Variants in SERPINA1 observed in about 807,000 individuals in gnomAD.
The protein encoded by SERPINA1 is alpha-1-antitrypsin.
In SERPINA1, 21 loss-of-function variants were observed where a neutral mutation model predicts 25.4. The observed-to-expected ratio is 0.83, with a 90% confidence interval of 0.59 to 1.19. SERPINA1 has a LOEUF of 1.19. Among genes scored for constraint, SERPINA1 ranks in the 50% most tolerant of loss-of-function variants. The pLI is 0.00. For synonymous variants in SERPINA1, 218 were observed against 211.1 expected, an observed-to-expected ratio of 1.03 and a Z score of -0.29; for missense variants, 546 against 509.0, an observed-to-expected ratio of 1.07 and a Z score of -0.70.
In SERPINA1 at chr14:94,378,357, C is replaced by T. The variant is rs1896512852; in HGVS notation, c.*92G>A. ...AGAAAACATGGGAGGGATTTACAGTCACATGCAGGCAGGGACCAGCTCAAC... is the reference window on the plus strand; with the variant it reads ...AGAAAACATGGGAGGGATTTACAGTTACATGCAGGCAGGGACCAGCTCAAC... On this transcript the variant is annotated 3_prime_UTR_variant, in exon 5 of 5. Transcript: ENST00000393087. The T allele has an allele frequency of 9.1e-7, 1 of 1,098,518 alleles. No individual in the cohort carries two copies. Among genetic ancestry groups the T allele is most frequent in the Non-Finnish European group, 1.4e-6 (1 of 718,178 alleles). The allele number at this position is 1,098,518 out of a possible 1,614,324, so 68.0% of individuals were successfully genotyped here. A position where few individuals can be genotyped will look rare whatever the true frequency, so the allele number is the denominator to read the frequency against.
In SERPINA1 at chr14:94,380,928, A is replaced by G. The variant is rs1450795004; in HGVS notation, c.860T>C (p.Leu287Pro). The G allele has an allele frequency of 1.9e-6, 3 of 1,614,196 alleles. No individual in the cohort carries two copies. In the South Asian group the frequency reaches 3.3e-5, roughly 18 times the overall value. Residue 287 changes from leucine to proline, a missense_variant, in exon 3 of 5, where the codon CTG becomes CCG. Leu to Pro is a moderately conservative substitution (Grantham distance 98, BLOSUM62 -3). Coordinates refer to ENST00000393087, the MANE Select transcript of SERPINA1 (RefSeq NM_000295.5). Reference sequence around the variant, plus strand: ...GATATCGTGGGTGAGTTCATTTTCCAGGTGCTGTAGTTTCCCCTCATCAGG... The same window carrying G: ...GATATCGTGGGTGAGTTCATTTTCCGGGTGCTGTAGTTTCCCCTCATCAGG... ...FLPDEGKLQHLENELTHDIIT... is the reference protein window; with the variant it reads ...FLPDEGKLQHPENELTHDIIT...
rs1896695807 is a variant in SERPINA1, at chr14:94,379,533, G to T, written c.996C>A (p.Ile332=). The T allele has an allele frequency of 1.9e-6, 3 of 1,613,958 alleles. No individual in the cohort carries two copies. Among genetic ancestry groups the T allele is most frequent in the East Asian group, 2.2e-5 (1 of 44,864 alleles). ...DLKSVLGQLG[I]TKVFSNGADL... ...CAGCCCCATTGCTGAAGACCTTAGT[G>T]ATGCCCAGTTGACCCAGGACGCTCT... Residue 332 remains isoleucine, a synonymous_variant, in exon 4 of 5, where the codon ATC becomes ATA. Coordinates refer to ENST00000393087, the MANE Select transcript of SERPINA1 (RefSeq NM_000295.5).
chr14:94,384,904 C>T (rs528662210), intron 1 of SERPINA1, among the ~76,000 whole-genome samples: 7 of 152,314 alleles, frequency 4.6e-5, no homozygotes, highest in African/African-American at 7.2e-5. Flanking sequence ...TCCTGGCCCT[C>T]GTGCCTCTAA....
In SERPINA1 at chr14:94,380,968, C is replaced by T. The variant is rs752721615; in HGVS notation, c.820G>A (p.Ala274Thr). ...LLMKYLGNAT[A>T]IFFLPDEGKL... ...CCCTCATCAGGCAGGAAGAAGATGG[C>T]GGTGGCATTGCCCAGGTATTTCATC... Residue 274 changes from alanine to threonine, a missense_variant, in exon 3 of 5, where the codon GCC (alanine) becomes ACC (threonine). By Grantham distance (58) the Ala-to-Thr change is moderately conservative. Coordinates refer to ENST00000393087, the MANE Select transcript of SERPINA1 (RefSeq NM_000295.5). 9.3e-6 allele frequency: 15 copies of T among 1,614,010 alleles called. No individual in the cohort carries two copies. The highest frequency in any genetic ancestry group is 6.6e-5 in the South Asian group (6 of 91,074).
intron 4 of SERPINA1, 66 bp from the exon 5 acceptor site, chr14:94,378,706 G>A: frequency 1.3e-6 from 2 of 1,505,788 alleles, no homozygotes; most frequent in Non-Finnish European, 1.8e-6. Flanking sequence ...GGCTCACGTG[G>A]ACACCTCCCA....
At chr14:94,379,098 G>T in intron 4 of SERPINA1, 1 of 564,292 alleles carries the variant, frequency 1.8e-6, no homozygotes, top group Non-Finnish European at 3.1e-6. Flanking sequence ...CATTAATTCA[G>T]ACACCAAATC....
rs147247134 is a variant in SERPINA1, at chr14:94,382,685, C to T, written c.553G>A (p.Val185Met). 4.4e-5 allele frequency: 71 copies of T among 1,614,124 alleles called. No individual in the cohort carries two copies. The highest frequency in any genetic ancestry group is 1.6e-4 in the African/African-American group (12 of 74,946). Residue 185 changes from valine (V) to methionine (M), a missense_variant, in exon 2 of 5, where the codon GTG (valine) becomes ATG (methionine). Transcript: ENST00000393087. ...ATTTTCCCTTGAGTACCCTTCTCCA[C>T]GTAATCGTTGATCTGTTTCTTGGCC... Reference protein sequence around the residue: ...EEAKKQINDYVEKGTQGKIVD... With the variant: ...EEAKKQINDYMEKGTQGKIVD...
chr14:94,379,195 C>T (rs1896649737), intron 4 of SERPINA1: 2 of 604,354 alleles, frequency 3.3e-6, no homozygotes, highest in East Asian at 5.5e-5. Flanking sequence ...GGCCCAATGT[C>T]TAGAAGGTCT....
chr14:94,382,813 A>T lies in SERPINA1; in HGVS notation c.425T>A (p.Leu142Gln). 1.2e-6 allele frequency: 2 copies of T among 1,614,246 alleles called. No individual in the cohort carries two copies. The highest frequency in any genetic ancestry group is 2.2e-5 in the South Asian group (2 of 91,086). ...TAGCTTCAGGCCCTCGCTGAGGAAC[A>T]GGCCATTGCCGGTGGTCAGCTGGAG... ...SQLQLTTGNGLFLSEGLKLVD... is the reference protein window; with the variant it reads ...SQLQLTTGNGQFLSEGLKLVD... The change falls in exon 2 of 5, where the codon CTG (leucine) becomes CAG (glutamine). Residue 142 changes from leucine to glutamine, a missense_variant. Physicochemically the swap from Leu to Gln is moderately radical, Grantham distance 113. Transcript: ENST00000393087.
chr14:94,382,890 G>A lies in SERPINA1; in HGVS notation c.348C>T (p.Ile116=). ...GGAGGAGTTCCTGGAAGCCTTCATG[G>A]ATCTGAGCCTCCGGAATCTCCGTGA... ...FNLTEIPEAQ[I]HEGFQELLRT... Residue 116 remains isoleucine, a synonymous_variant, in exon 2 of 5, where the codon ATC becomes ATT. Transcript: ENST00000393087. 6.2e-7 allele frequency: 1 copy of A among 1,613,804 alleles called. No individual in the cohort carries two copies. The highest frequency in any genetic ancestry group is 1.1e-5 in the South Asian group (1 of 91,088).
At position 94,378,263 on chromosome 14, in the gene SERPINA1, C is replaced by T. The variant is rs955304346; in HGVS notation, c.*186G>A. On this transcript the variant is annotated 3_prime_UTR_variant, in exon 5 of 5. Transcript: ENST00000393087. Reference sequence around the variant, plus strand: ...AGCCAGATGCTCCATGAACACAGTTCAGGGGGCCCGAAGACAGCACTGTTA... The same window carrying T: ...AGCCAGATGCTCCATGAACACAGTTTAGGGGGCCCGAAGACAGCACTGTTA... 6 of 626,748 alleles carry T rather than the reference C, an allele frequency of 9.6e-6. No individual in the cohort carries two copies. Among genetic ancestry groups the T allele is most frequent in the Admixed American group, 8.0e-5 (3 of 37,422 alleles). The allele number at this position is 626,748 out of a possible 1,614,324, so 38.8% of individuals were successfully genotyped here. A position where few individuals can be genotyped will look rare whatever the true frequency, so the allele number is the denominator to read the frequency against.
intron 1 of SERPINA1, among the ~76,000 whole-genome samples, chr14:94,387,379 G>T (rs1897350845): frequency 6.6e-6 from 1 of 152,224 alleles, no homozygotes. Context: ...ACCAGTTCTT[G>T]CTGCTATTGC....
chr14:94,387,437 T>C (rs1186909754), intron 1 of SERPINA1, among the ~76,000 whole-genome samples: 5 of 152,230 alleles, frequency 3.3e-5, no homozygotes, highest in African/African-American at 1.2e-4. Flanking sequence ...ACCTTGGCCT[T>C]GGTCATCTTT....
intron 4 of SERPINA1, chr14:94,379,207 G>C: frequency 1.6e-6 from 1 of 608,062 alleles, no homozygotes; most frequent in South Asian, 2.0e-5. Flanking sequence ...AGAAGGTCTT[G>C]GGCAAAGTTG....
At position 94,381,034 on chromosome 14, in the gene SERPINA1, T is replaced by A. The variant is rs777012321; in HGVS notation, c.754A>T (p.Asn252Tyr). 7.4e-6 allele frequency: 12 copies of A among 1,614,050 alleles called. 1 individual carries two copies. The South Asian group carries it at 1.3e-4, about 18-fold the overall frequency. ...VPMMKRLGMF[N>Y]IQHCKKLSSW... Reference sequence around the variant, plus strand: ...GACAGCTTCTTACAGTGCTGGATGTTAAACATGCCTAAACGCTTCATCATA... The same window carrying A: ...GACAGCTTCTTACAGTGCTGGATGTAAAACATGCCTAAACGCTTCATCATA... The change falls in exon 3 of 5, where the codon AAC becomes TAC. Residue 252 changes from asparagine to tyrosine, a missense_variant. Transcript: ENST00000393087.
At chr14:94,388,347 G>T (rs896462462) in intron 1 of SERPINA1, among the ~76,000 whole-genome samples, 2 of 152,138 alleles carry the variant, frequency 1.3e-5, no homozygotes, top group Admixed American at 1.3e-4. Flanking sequence ...GTACCGAGGG[G>T]GGACCGGGCA....
intron 1 of SERPINA1, among the ~76,000 whole-genome samples, chr14:94,385,850 C>G (rs1360031532): frequency 6.6e-6 from 1 of 152,148 alleles, no homozygotes; most frequent in Non-Finnish European, 1.5e-5. Context: ...CTCTGGTTTC[C>G]TCCTTTCACA....
intron 2 of SERPINA1, among the ~76,000 whole-genome samples, chr14:94,382,330 A>G (rs1896985981): frequency 6.6e-6 from 1 of 152,344 alleles, no homozygotes; most frequent in South Asian, 2.1e-4. Context: ...TATTCTACAT[A>G]TACAGTATAC....
chr14:94,383,107 T>G lies in SERPINA1; in HGVS notation c.131A>C (p.His44Pro). ...GGGGGTGATCTTGTTGAAGGTTGGGTGATCCTGATCATGGTGGGATGTATC... is the reference window on the plus strand; with the variant it reads ...GGGGGTGATCTTGTTGAAGGTTGGGGGATCCTGATCATGGTGGGATGTATC... ...KTDTSHHDQD[H>P]PTFNKITPNL... The change falls in exon 2 of 5, where the codon CAC (histidine) becomes CCC (proline). Residue 44 changes from histidine to proline, a missense_variant. Physicochemically the swap from His to Pro is moderately conservative, Grantham distance 77. Transcript: ENST00000393087. The G allele has an allele frequency of 6.2e-7, 1 of 1,614,196 alleles. No individual in the cohort carries two copies. The highest frequency in any genetic ancestry group is 1.1e-5 in the South Asian group (1 of 91,086).
Sources: gnomAD v4.1 joint callset for allele counts (sites outside exome capture counted in the v4.1 genomes callset) on GRCh38, gnomAD v4.1.1 for gene constraint, MANE v1.5 for transcripts, NCBI Gene and HGNC (gene_info 2026-07-23, HGNC 2026-07-21) for gene names.